AK8: variants seen among roughly 807,000 people sequenced by gnomAD.
The protein encoded by AK8 is adenylate kinase 8.
In AK8, 44 loss-of-function variants were observed where a neutral mutation model predicts 54.6. The observed-to-expected ratio is 0.81, with a 90% confidence interval of 0.63 to 1.04. The LOEUF (loss-of-function observed/expected upper bound fraction) is 1.04. AK8 is among the 50% of genes least tolerant of loss of function. AK8 has a pLI of 0.00. For synonymous variants in AK8, 239 were observed against 245.6 expected, an observed-to-expected ratio of 0.97 and a Z score of 0.25; for missense variants, 555 against 613.6, an observed-to-expected ratio of 0.90 and a Z score of 1.01.
rs1254170540 is a variant in AK8, at chr9:132,828,060, AC to A, written c.508del (p.Val170SerfsTer2). 1.3e-6 allele frequency: 2 copies of A among 1,573,916 alleles called. No individual in the cohort carries two copies. Among genetic ancestry groups the A allele is most frequent in the Non-Finnish European group, 8.6e-7 (1 of 1,158,392 alleles). ...CTTCCCCAAGTTTCTCTCGATCAGG[AC>A]CGTGTCTGGAGCACTCAGCACAACT... ...HVIVLSAPDT[V>X]LIERNLGKRI... is the part of the protein sequence containing the mutation. On this transcript the variant is annotated frameshift_variant, in exon 7 of 13. Transcript: ENST00000298545. LOFTEE classifies it high-confidence loss of function.
intron 5 of AK8, among the ~76,000 whole-genome samples, chr9:132,840,431 CACA>C (rs1842492889): frequency 6.6e-6 from 1 of 151,924 alleles, no homozygotes; most frequent in Non-Finnish European, 1.5e-5. Context: ...CACACACACA[CACA>C]CACACACACA....
At chr9:132,873,439 G>C (rs551692360) in intron 2 of AK8, among the ~76,000 whole-genome samples, 48 of 147,316 alleles carry the variant, frequency 3.3e-4, no homozygotes, top group African/African-American at 1.2e-3. Context: ...GGAGGGAGGT[G>C]GGGGGGTGGC....
intron 8 of AK8, 97 bp from the exon 9 acceptor site, chr9:132,823,433 T>C (rs1239917127): frequency 6.6e-7 from 1 of 1,507,118 alleles, no homozygotes; most frequent in African/African-American, 1.4e-5. Flanking sequence ...CGGCAGTAAC[T>C]CTTTTTCTCT....
At chr9:132,877,665 G>A in intron 1 of AK8, 1 of 359,438 alleles carries the variant, frequency 2.8e-6, no homozygotes, top group Non-Finnish European at 5.6e-6. Flanking sequence ...TGAGGAGGAG[G>A]GACCAAGGTG....
chr9:132,835,556 T>A (rs1243695980), intron 5 of AK8, among the ~76,000 whole-genome samples: 4 of 152,228 alleles, frequency 2.6e-5, no homozygotes, highest in Non-Finnish European at 5.9e-5. Flanking sequence ...AAGCAGTGGC[T>A]TTGGAACCAG....
intron 4 of AK8, among the ~76,000 whole-genome samples, chr9:132,858,932 T>C (rs1434993482): frequency 6.6e-6 from 1 of 151,670 alleles, no homozygotes; most frequent in Non-Finnish European, 1.5e-5. Context: ...TTCACAGGAG[T>C]GACGGAGCCT....
chr9:132,782,351 T>A (rs1839513484), intron 11 of AK8, among the ~76,000 whole-genome samples: 1 of 152,134 alleles, frequency 6.6e-6, no homozygotes, highest in African/African-American at 2.4e-5. Context: ...TTGTTCTGCA[T>A]TTTCCCCAGT....
At chr9:132,847,085 G>A (rs938306609) in intron 5 of AK8, among the ~76,000 whole-genome samples, 28 of 152,230 alleles carry the variant, frequency 1.8e-4, no homozygotes, top group African/African-American at 6.3e-4. Flanking sequence ...CAGCAGGCCA[G>A]CTCCCGGCTT....
chr9:132,823,984 A>G (rs1397954220), intron 8 of AK8, among the ~76,000 whole-genome samples: 1 of 152,210 alleles, frequency 6.6e-6, no homozygotes, highest in Non-Finnish European at 1.5e-5. Context: ...ATGTAGCTGC[A>G]TGGCCCTGGC....
chr9:132,782,547 G>A (rs182802926), intron 11 of AK8, among the ~76,000 whole-genome samples: 1 of 152,200 alleles, frequency 6.6e-6, no homozygotes, highest in East Asian at 1.9e-4. Flanking sequence ...AAATTAGCTG[G>A]GCATGGTGGC....
At chr9:132,833,141 C>G (rs1236053131) in intron 5 of AK8, among the ~76,000 whole-genome samples, 1 of 152,186 alleles carries the variant, frequency 6.6e-6, no homozygotes, top group African/African-American at 2.4e-5. Flanking sequence ...CTGTTGAAGG[C>G]GGGTCTGTCC....
intron 4 of AK8, among the ~76,000 whole-genome samples, chr9:132,856,607 C>A (rs768198285): frequency 1.4e-4 from 22 of 152,168 alleles, no homozygotes; most frequent in Non-Finnish European, 2.6e-4. Context: ...ACCCCACTCC[C>A]AGCCACTGTG....
At position 132,790,377 on chromosome 9, in the gene AK8, A is replaced by C. The variant is rs559498895; in HGVS notation, c.1121+2257T>G. Reference sequence around the variant, plus strand: ...ACCATTCTCCTGCCTCAGACTCCCAAGTAGCTGGGACTACAGGCGGCCGCC... The same window carrying C: ...ACCATTCTCCTGCCTCAGACTCCCACGTAGCTGGGACTACAGGCGGCCGCC... On this transcript the variant is annotated intron_variant, in intron 11 of 12. Transcript: ENST00000298545. The surrounding 1 kb of genome is among the most constrained non-coding windows in gnomAD (Gnocchi z 4.1). 2.0e-5 allele frequency among the ~76,000 whole-genome samples: 3 copies of C among 152,180 alleles called. No homozygotes were observed. Among genetic ancestry groups the C allele is most frequent in the African/African-American group, 7.2e-5 (3 of 41,522 alleles).
chr9:132,727,354 G>T, intron 12 of AK8, 100 bp downstream of exon 12: 1 of 1,108,900 alleles, frequency 9.0e-7, no homozygotes, highest in Non-Finnish European at 1.4e-6. Context: ...GTGGTCACCA[G>T]TGTTATCCCT....
At chr9:132,846,040 G>A (rs1609597) in intron 5 of AK8, among the ~76,000 whole-genome samples, 14,722 of 152,188 alleles carry the variant, frequency 0.097, 913 homozygotes, top group African/African-American at 0.16. Flanking sequence ...ACACACAGAC[G>A]ATCACTGGCA....
At chr9:132,855,768 C>A (rs1427024817) in intron 4 of AK8, among the ~76,000 whole-genome samples, 1 of 151,922 alleles carries the variant, frequency 6.6e-6, no homozygotes, top group African/African-American at 2.4e-5. Flanking sequence ...CCATTCTTTG[C>A]TTTTTGTAAC....
intron 10 of AK8, among the ~76,000 whole-genome samples, chr9:132,795,193 G>A (rs1036164649): frequency 1.3e-5 from 2 of 152,204 alleles, no homozygotes; most frequent in Admixed American, 1.3e-4. Flanking sequence ...TGTAAACCTA[G>A]TGACCTCCTC....
chr9:132,823,265 C>T lies in AK8; in HGVS notation c.829G>A (p.Val277Met). ...GCCTGCAGACTTTTCCCACTGCCCA[C>T]AGGCCCGAGCAGCAGCACCCTCGGG... ...FTPRVLLLGPVGSGKSLQAAL... is the reference protein window; with the variant it reads ...FTPRVLLLGPMGSGKSLQAAL... The change falls in exon 9 of 13, where the codon GTG (valine) becomes ATG (methionine). Residue 277 changes from valine to methionine, a missense_variant. Val to Met is a conservative substitution (Grantham distance 21). Transcript: ENST00000298545. 6.2e-7 allele frequency: 1 copy of T among 1,610,756 alleles called. No homozygotes were observed. The highest frequency in any genetic ancestry group is 8.5e-7 in the Non-Finnish European group (1 of 1,178,590).
chr9:132,775,174 A>T (rs554743554), intron 11 of AK8, among the ~76,000 whole-genome samples: 5 of 152,342 alleles, frequency 3.3e-5, no homozygotes, highest in Admixed American at 1.3e-4. Flanking sequence ...TCAGCAGGAA[A>T]GTTGAACCAG....
Sources: allele counts gnomAD v4.1 joint callset (sites outside exome capture counted in the v4.1 genomes callset), GRCh38; gene constraint gnomAD v4.1.1; non-coding constraint Gnocchi (gnomAD v3.1); transcripts MANE v1.5; gene names NCBI Gene and HGNC (gene_info 2026-07-23, HGNC 2026-07-21).